GPM6B: variants seen among roughly 807,000 people sequenced by gnomAD.
GPM6B encodes the protein neuronal membrane glycoprotein M6-b.
A neutral mutation model predicts 27.2 loss-of-function variants in GPM6B; 4 were observed. The observed-to-expected ratio is 0.15, with a 90% confidence interval of 0.07 to 0.34. The LOEUF (loss-of-function observed/expected upper bound fraction) is 0.34, where lower values mean the gene tolerates loss of function less well. Among genes scored for constraint, GPM6B ranks in the 10% least tolerant of loss-of-function variants. The pLI, the probability that GPM6B is intolerant of heterozygous loss-of-function variation, is 1.00. For synonymous variants in GPM6B, 124 were observed against 103.1 expected (o/e 1.20, Z -1.23); for missense variants, 183 against 261.9 (o/e 0.70, Z 2.08).
In GPM6B at chrX:13,832,005, T is replaced by C. The variant is rs139297336; in HGVS notation, c.-197-46197A>G. Among the ~76,000 whole-genome samples, 14 of 111,947 alleles carry C rather than the reference T, an allele frequency of 1.3e-4. No individual in the cohort carries two copies. In the East Asian group the frequency reaches 3.9e-3, roughly 31 times the overall value. On this transcript the variant is annotated intron_variant, in intron 1 of 6. Coordinates refer to the GPM6B transcript ENST00000398361. Reference sequence around the variant, plus strand: ...AGAAATCTGATAGAGAGTTTTAAGATTGGTTAAGATCTTTTCATGAACTGG... The same window carrying C: ...AGAAATCTGATAGAGAGTTTTAAGACTGGTTAAGATCTTTTCATGAACTGG...
At chrX:13,820,665 T>A (rs1251019805), upstream of GPM6B, among the ~76,000 whole-genome samples, 1 of 111,245 alleles carries the variant, frequency 9.0e-6, no homozygotes, top group Admixed American at 9.6e-5. Flanking sequence ...TAATCTGGAT[T>A]TGAGTTTCAT....
intron 1 of GPM6B, among the ~76,000 whole-genome samples, chrX:13,845,957 C>T (rs1407055498): frequency 8.9e-6 from 1 of 111,977 alleles, no homozygotes; most frequent in African/African-American, 3.2e-5. Context: ...GGATTCTTGC[C>T]AGGCCATGAA....
intron 1 of GPM6B, among the ~76,000 whole-genome samples, chrX:13,847,795 G>A (rs1464799750): frequency 8.9e-6 from 1 of 112,171 alleles, no homozygotes; most frequent in Non-Finnish European, 1.9e-5. Flanking sequence ...TAAGATTGGA[G>A]GTGTTTAAAT....
intron 4 of GPM6B, among the ~76,000 whole-genome samples, chrX:13,781,743 T>C (rs1602979654): frequency 8.9e-6 from 1 of 112,000 alleles, no homozygotes; most frequent in African/African-American, 3.2e-5. Context: ...CTTACATTCA[T>C]TGATAAATGT....
chrX:13,842,952 C>T (rs1214900834), intron 1 of GPM6B, among the ~76,000 whole-genome samples: 3 of 111,315 alleles, frequency 2.7e-5, no homozygotes, highest in East Asian at 5.6e-4. Flanking sequence ...CCATACAATT[C>T]ACCATTTTAA....
intron 1 of GPM6B, among the ~76,000 whole-genome samples, chrX:13,844,724 G>A (rs2049623073): frequency 8.9e-6 from 1 of 111,818 alleles, no homozygotes; most frequent in Non-Finnish European, 1.9e-5. Flanking sequence ...ATGGACCACA[G>A]CATTTTCTGG....
chrX:13,793,682 G>C (rs1455301981), intron 2 of GPM6B, among the ~76,000 whole-genome samples: 1 of 111,998 alleles, frequency 8.9e-6, no homozygotes, highest in African/African-American at 3.2e-5. Context: ...CTACACATTG[G>C]AATAATCTGG....
Position 13,841,379 on chromosome X carries a change from C to G in GPM6B, c.-197-55571G>C, listed in dbSNP as rs183985325. ...CAGCTAGGTCGCTATGGGAAGTTAT[C>G]TCACTTCCATCCCTCTGGATGTCTG... On this transcript the variant is annotated intron_variant, in intron 1 of 6. Transcript: ENST00000398361. Among the ~76,000 whole-genome samples the G allele has an allele frequency of 2.7e-3, 296 of 111,694 alleles. 1 individual carries two copies. Among genetic ancestry groups the G allele is most frequent in the Admixed American group, 6.1e-3 (65 of 10,610 alleles).
intron 1 of GPM6B, among the ~76,000 whole-genome samples, chrX:13,836,931 C>CA (rs35389445): frequency 0.046 from 5,132 of 111,170 alleles, 142 homozygotes; most frequent in East Asian, 0.15. Context: ...CGCTTTCCTG[C>CA]AAAAAAAATC....
At chrX:13,790,319 A>G (rs1470636269) in intron 2 of GPM6B, among the ~76,000 whole-genome samples, 2 of 112,384 alleles carry the variant, frequency 1.8e-5, no homozygotes, top group Non-Finnish European at 3.8e-5. Flanking sequence ...AAAAGATATG[A>G]GTGGACCATT....
chrX:13,929,785 C>G (rs1019557052), intron 1 of GPM6B, among the ~76,000 whole-genome samples: 12 of 111,726 alleles, frequency 1.1e-4, no homozygotes, highest in South Asian at 7.5e-4. Flanking sequence ...ACTCCCCCAA[C>G]AAAGAATCAC....
intron 1 of GPM6B, among the ~76,000 whole-genome samples, chrX:13,810,988 C>A (rs1233851513): frequency 8.9e-6 from 1 of 111,975 alleles, no homozygotes; most frequent in Non-Finnish European, 1.9e-5. Flanking sequence ...ACATTTTAAT[C>A]CCAAGGACAG....
intron 1 of GPM6B, among the ~76,000 whole-genome samples, chrX:13,851,871 A>G (rs775425017): frequency 2.7e-5 from 3 of 111,109 alleles, no homozygotes; most frequent in Non-Finnish European, 5.7e-5. Flanking sequence ...TTAGAAATAG[A>G]CTAATGTGTC....
intron 1 of GPM6B, among the ~76,000 whole-genome samples, chrX:13,853,634 G>A (rs1038037165): frequency 9.6e-6 from 1 of 103,710 alleles, no homozygotes; most frequent in Non-Finnish European, 2.0e-5. Context: ...CACACGTGGA[G>A]TCTGGAAGAA....
At chrX:13,931,868 T>G (rs918416245) in intron 1 of GPM6B, among the ~76,000 whole-genome samples, 2 of 111,806 alleles carry the variant, frequency 1.8e-5, no homozygotes, top group Non-Finnish European at 3.8e-5. Context: ...CACTCCTACC[T>G]CTCTTTCATG....
chrX:13,818,746 C>T (rs1438437665), upstream of GPM6B, among the ~76,000 whole-genome samples: 1 of 112,238 alleles, frequency 8.9e-6, no homozygotes, highest in Non-Finnish European at 1.9e-5. Context: ...ATGGGAAAAC[C>T]CTATGGTGTG....
At chrX:13,924,444 T>A (rs1176196740) in intron 1 of GPM6B, among the ~76,000 whole-genome samples, 1 of 110,392 alleles carries the variant, frequency 9.1e-6, no homozygotes, top group Non-Finnish European at 1.9e-5. Flanking sequence ...GGACTAAAGG[T>A]GCGTATCACC....
intron 1 of GPM6B, among the ~76,000 whole-genome samples, chrX:13,917,509 T>C (rs183262960): frequency 2.5e-4 from 28 of 112,281 alleles, no homozygotes; most frequent in African/African-American, 6.8e-4. Flanking sequence ...CCATTTTAAG[T>C]ACAAAGTTAC....
At chrX:13,867,643 T>C (rs752104605) in intron 1 of GPM6B, among the ~76,000 whole-genome samples, 3 of 111,543 alleles carry the variant, frequency 2.7e-5, no homozygotes, top group Non-Finnish European at 5.6e-5. Context: ...GCAGGTAACA[T>C]GAAGCTAGGA....
Sources: allele counts gnomAD v4.1 joint callset (sites outside exome capture counted in the v4.1 genomes callset), GRCh38; gene constraint gnomAD v4.1.1; transcripts MANE v1.5; gene names NCBI Gene and HGNC (gene_info 2026-07-23, HGNC 2026-07-21).